The following DIP2C variants were observed in gnomAD, a reference collection of about 807,000 sequenced individuals.
The protein encoded by DIP2C is disco-interacting protein 2 homolog C.
Under a neutral mutation model 192.4 loss-of-function variants are expected in DIP2C, and 33 were observed. The ratio of observed to expected loss-of-function variants is 0.17; its 90% CI spans 0.13 to 0.23. The LOEUF is 0.23. Among genes scored for constraint, DIP2C ranks in the 10% least tolerant of loss-of-function variants. The probability of loss-of-function intolerance (pLI) is 1.00; values close to 1 mark genes in which losing one functional copy is unlikely to be tolerated. For missense variants in DIP2C, 1,537 were observed against 2,110.1 expected (o/e 0.73, Z 5.32); for synonymous variants, 979 against 864.1 (o/e 1.13, Z -2.33).
intron 1 of DIP2C, among the ~76,000 whole-genome samples, chr10:495,505 T>C (rs1278249500): frequency 6.6e-6 from 1 of 151,814 alleles, no homozygotes; most frequent in African/African-American, 2.4e-5. Flanking sequence ...CCCTAAAAAC[T>C]ATAGGTTTTG....
rs1223941268 is a variant in DIP2C at position 417,682 on chromosome 10, C to A, written c.739+1383G>T. 7.7e-5 allele frequency among the ~76,000 whole-genome samples: 11 copies of A among 142,750 alleles called. 1 individual carries two copies. Among genetic ancestry groups the A allele is most frequent in the Non-Finnish European group, 1.1e-4 (7 of 65,274 alleles). The allele number at this position is 142,750 out of a possible 152,430, so 93.6% of individuals were successfully genotyped here. ...TGTTCCTGTCAGGGCTCGGATAGGC[C>A]TCCCTGTCCGCCTGTGCCTGTCGGC... is the stretch of plus-strand genomic sequence containing the variant. On this transcript the variant is annotated intron_variant, in intron 6 of 36. Transcript: ENST00000280886.
At chr10:601,757 A>G (rs1852087468) in intron 1 of DIP2C, among the ~76,000 whole-genome samples, 1 of 152,176 alleles carries the variant, frequency 6.6e-6, no homozygotes, top group African/African-American at 2.4e-5. Context: ...TCTCTCCTTC[A>G]CAGGGAAGGG....
At chr10:590,019 T>C (rs1273740295) in intron 1 of DIP2C, among the ~76,000 whole-genome samples, 2 of 152,194 alleles carry the variant, frequency 1.3e-5, no homozygotes, top group Admixed American at 6.5e-5. Flanking sequence ...CACAGTATAG[T>C]TCAAACAGGA....
intron 32 of DIP2C, among the ~76,000 whole-genome samples, chr10:291,036 C>T (rs1955470651): frequency 6.6e-6 from 1 of 152,202 alleles, no homozygotes; most frequent in African/African-American, 2.4e-5. Flanking sequence ...CCAGGCTGTG[C>T]AGCATTCCCA....
chr10:474,942 C>T (rs1588221928), intron 2 of DIP2C, among the ~76,000 whole-genome samples: 4 of 152,096 alleles, frequency 2.6e-5, no homozygotes, highest in South Asian at 2.1e-4. Context: ...TTTTCTCCCT[C>T]GATAATCTTT....
Position 577,030 on chromosome 10 carries a change from G to A in DIP2C, c.86-90500C>T, listed in dbSNP as rs148573102. Among the ~76,000 whole-genome samples, 229 of 152,132 alleles carry A rather than the reference G, an allele frequency of 1.5e-3. 4 individuals carry two copies. The South Asian group carries it at 0.018, about 12-fold the overall frequency. The stretch of plus-strand genomic sequence containing the variant: ...AGTTGATCCAGTTTTTTCTTACTTC[G>A]TTACAATCTTGTATATCTTTCTAAC... On this transcript the variant is annotated intron_variant, in intron 1 of 36. Transcript: ENST00000280886.
intron 1 of DIP2C, among the ~76,000 whole-genome samples, chr10:542,416 AAC>A (rs1282124377): frequency 2.6e-5 from 4 of 152,184 alleles, no homozygotes; most frequent in Admixed American, 2.6e-4. Context: ...CACTGGGGAA[AAC>A]AAGCTTCAGA....
intron 1 of DIP2C, among the ~76,000 whole-genome samples, chr10:545,166 C>CCT (rs1554896881): frequency 1.6e-4 from 14 of 86,338 alleles, no homozygotes; most frequent in African/African-American, 5.7e-4. Context: ...GGTGTTTTCC[C>CCT]TTTTTTTTTT....
chr10:575,234 T>A (rs1455568262), intron 1 of DIP2C, among the ~76,000 whole-genome samples: 2 of 152,134 alleles, frequency 1.3e-5, no homozygotes, highest in African/African-American at 4.8e-5. Context: ...CAAAGTTTAT[T>A]GTGAGTACAA....
Position 596,182 on chromosome 10 carries a change from A to T in DIP2C, c.85+93312T>A, listed in dbSNP as rs370831341. 2.0e-5 allele frequency among the ~76,000 whole-genome samples: 3 copies of T among 152,298 alleles called. No individual in the cohort carries two copies. In the East Asian group the frequency reaches 5.8e-4, roughly 29 times the overall value. On this transcript the variant is annotated intron_variant, in intron 1 of 36. Coordinates refer to ENST00000280886, the MANE Select transcript of DIP2C (RefSeq NM_014974.3). ...ACGTTTTAAAAAATAAAAGTAACCT[A>T]AGTATTGAACAAGCCCATTATAAAT...
intron 31 of DIP2C, 105 bp from the exon 32 acceptor site, chr10:310,197 A>G (rs1439940383): frequency 2.2e-5 from 25 of 1,130,044 alleles, no homozygotes; most frequent in Non-Finnish European, 3.2e-5. Context: ...CTTAAAGTGA[A>G]AAATAAAACT....
intron 24 of DIP2C, among the ~76,000 whole-genome samples, chr10:355,896 G>C (rs1006318004): frequency 1.3e-5 from 2 of 152,170 alleles, no homozygotes; most frequent in African/African-American, 4.8e-5. Flanking sequence ...CGCCAACATG[G>C]TGAAACCCCA....
chr10:358,540 T>A (rs1395801323), intron 22 of DIP2C, among the ~76,000 whole-genome samples: 1 of 114,100 alleles, frequency 8.8e-6, no homozygotes, highest in Non-Finnish European at 1.8e-5. Context: ...TGTCATAAAG[T>A]CATCGCTTAT....
Position 348,772 on chromosome 10 carries a change from G to C in DIP2C, c.3110-10C>G. ...GCTATCAGGTCTATTCCTACACAAG[G>C]AGAGAAACATCATCATTGAAGCAGA... On this transcript the variant is annotated splice_polypyrimidine_tract_variant and intron_variant, in intron 25 of 36. Transcript: ENST00000280886. The C allele has an allele frequency of 1.2e-6, 2 of 1,612,654 alleles. No individual in the cohort carries two copies. Among genetic ancestry groups the C allele is most frequent in the Non-Finnish European group, 1.7e-6 (2 of 1,179,582 alleles).
At chr10:393,419 C>T (rs1963651022) in intron 10 of DIP2C, among the ~76,000 whole-genome samples, 1 of 152,060 alleles carries the variant, frequency 6.6e-6, no homozygotes, top group Admixed American at 6.5e-5. Flanking sequence ...AGGATGGCAC[C>T]CAAATGGCCA....
intron 1 of DIP2C, among the ~76,000 whole-genome samples, chr10:555,270 T>G (rs1588451882): frequency 1.3e-5 from 2 of 152,108 alleles, no homozygotes; most frequent in South Asian, 4.2e-4. Flanking sequence ...CTGGGCTCTT[T>G]GCTGTTTTAT....
rs202239566 is a variant in DIP2C, at chr10:347,841, C to G, written c.3231+800G>C. Among the ~76,000 whole-genome samples the G allele has an allele frequency of 6.9e-4, 67 of 97,694 alleles. 2 individuals carry two copies. The highest frequency in any genetic ancestry group is 5.7e-3 in the Middle Eastern group (1 of 174). The allele number at this position is 97,694 out of a possible 152,430, so 64.1% of individuals were successfully genotyped here. A position where few individuals can be genotyped will look rare whatever the true frequency, so the allele number is the denominator to read the frequency against. On this transcript the variant is annotated intron_variant, in intron 26 of 36. Transcript: ENST00000280886. ...CATCGCGCATAGCTCTCCTGGAAACCCCACACGCACCCAGACGCGTCGCGC... is the reference window on the plus strand; with the variant it reads ...CATCGCGCATAGCTCTCCTGGAAACGCCACACGCACCCAGACGCGTCGCGC...
intron 8 of DIP2C, among the ~76,000 whole-genome samples, chr10:413,438 AT>A (rs1486860764): frequency 2.3e-4 from 35 of 152,358 alleles, no homozygotes; most frequent in African/African-American, 8.2e-4. Context: ...ATTTCAATAA[AT>A]CACACATGTA....
chr10:368,032 G>A (rs6560833), intron 18 of DIP2C, among the ~76,000 whole-genome samples: 37 of 412 alleles, frequency 0.09, no homozygotes, highest in South Asian at 0.25. Context: ...TGCCTCCGAC[G>A]GGGGCCCGGG....
Sources: gnomAD v4.1 joint callset for allele counts (sites outside exome capture counted in the v4.1 genomes callset) on GRCh38, gnomAD v4.1.1 for gene constraint, MANE v1.5 for transcripts, NCBI Gene and HGNC (gene_info 2026-07-23, HGNC 2026-07-21) for gene names.